SCN10A: variants seen among roughly 807,000 people sequenced by gnomAD.
SCN10A encodes sodium voltage-gated channel alpha subunit 10, also known as sodium channel protein type 10 subunit alpha.
In SCN10A, 162 loss-of-function variants were observed where a neutral mutation model predicts 170.7. The ratio of observed to expected loss-of-function variants is 0.95; its 90% CI spans 0.84 to 1.08. SCN10A has a LOEUF of 1.08. SCN10A is among the 50% of genes least tolerant of loss of function. The pLI, the probability that SCN10A is intolerant of heterozygous loss-of-function variation, is 0.00. For missense variants in SCN10A, 2,527 were observed against 2,436.9 expected, an observed-to-expected ratio of 1.04 and a Z score of -0.78; for synonymous variants, 985 against 904.6, an observed-to-expected ratio of 1.09 and a Z score of -1.59.
intron 4 of SCN10A, among the ~76,000 whole-genome samples, chr3:38,785,527 C>A (rs929271439): frequency 6.6e-6 from 1 of 152,062 alleles, no homozygotes; most frequent in Admixed American, 6.6e-5. Flanking sequence ...ACCATAAAAA[C>A]CCTAGAAGAA....
chr3:38,722,801 T>C (rs1165953349), intron 19 of SCN10A, among the ~76,000 whole-genome samples: 2 of 152,188 alleles, frequency 1.3e-5, no homozygotes, highest in Non-Finnish European at 2.9e-5. Flanking sequence ...GGGATGGGGA[T>C]TGGGTCCAGC....
At chr3:38,707,678 T>G (rs902040992) in intron 25 of SCN10A, among the ~76,000 whole-genome samples, 1 of 152,162 alleles carries the variant, frequency 6.6e-6, no homozygotes, top group African/African-American at 2.4e-5. Flanking sequence ...AAGGAGAAGG[T>G]ACATGTTGGT....
At chr3:38,803,099 G>A (rs1004709044) in intron 1 of SCN10A, among the ~76,000 whole-genome samples, 2 of 152,152 alleles carry the variant, frequency 1.3e-5, no homozygotes, top group African/African-American at 2.4e-5. Context: ...ACCACAATGA[G>A]ATATCATCTC....
intron 25 of SCN10A, among the ~76,000 whole-genome samples, chr3:38,708,497 C>G (rs890369450): frequency 1.3e-5 from 2 of 152,178 alleles, no homozygotes; most frequent in African/African-American, 2.4e-5. Context: ...ATGCTCAGAA[C>G]CCTGGGCAAG....
At chr3:38,732,702 G>A (rs1179829035) in intron 15 of SCN10A, among the ~76,000 whole-genome samples, 1 of 152,180 alleles carries the variant, frequency 6.6e-6, no homozygotes, top group Non-Finnish European at 1.5e-5. Flanking sequence ...AAAATTTTGA[G>A]GCAGAGCACG....
intron 15 of SCN10A, among the ~76,000 whole-genome samples, chr3:38,733,393 C>G (rs1315318916): frequency 6.6e-6 from 1 of 151,914 alleles, no homozygotes; most frequent in Non-Finnish European, 1.5e-5. Context: ...TAGAGATTGT[C>G]TGTATAATAG....
At chr3:38,780,337 A>G (rs1247114574) in intron 4 of SCN10A, among the ~76,000 whole-genome samples, 3 of 151,938 alleles carry the variant, frequency 2.0e-5, no homozygotes, top group Admixed American at 1.3e-4. Context: ...TTTGAATTCT[A>G]TAATTTTAGC....
At chr3:38,756,943 T>C in intron 9 of SCN10A, 72 bp from the exon 10 acceptor site, 1 of 1,607,110 alleles carries the variant, frequency 6.2e-7, no homozygotes, top group South Asian at 1.1e-5. Flanking sequence ...GTCAGCCTCC[T>C]CCAGGAAAAG....
chr3:38,712,026 A>C, intron 23 of SCN10A, 135 bp downstream of exon 23: 1 of 803,374 alleles, frequency 1.2e-6, no homozygotes, highest in Non-Finnish European at 2.0e-6. Context: ...AGTCTGTAGG[A>C]ATAGAGAATG....
chr3:38,812,836 C>T (rs1399075807), intron 1 of SCN10A, among the ~76,000 whole-genome samples: 3 of 152,086 alleles, frequency 2.0e-5, no homozygotes, highest in Admixed American at 2.0e-4. Context: ...GAGTTCGAGA[C>T]CAGCCTGGGC....
rs140083875 is a variant in SCN10A at position 38,800,411 on chromosome 3, C to T, written c.-32-6369G>A. Reference sequence around the variant, plus strand: ...ATTTTTAACAGACTCATAACTGAAGCTTCCAAAGGTGTTGTCCCTTTGAGA... The same window carrying T: ...ATTTTTAACAGACTCATAACTGAAGTTTCCAAAGGTGTTGTCCCTTTGAGA... On this transcript the variant is annotated intron_variant, in intron 1 of 27. Coordinates refer to ENST00000449082, the MANE Select transcript of SCN10A (RefSeq NM_006514.4). Among the ~76,000 whole-genome samples, 547 of 152,324 alleles carry T rather than the reference C, an allele frequency of 3.6e-3. 5 individuals carry two copies. Among genetic ancestry groups the T allele is most frequent in the African/African-American group, 0.013 (531 of 41,572 alleles).
chr3:38,773,974 T>C (rs2064040488), intron 4 of SCN10A, among the ~76,000 whole-genome samples: 1 of 152,192 alleles, frequency 6.6e-6, no homozygotes, highest in Non-Finnish European at 1.5e-5. Context: ...AGTGGTGGCC[T>C]CTGGAAAGAA....
intron 11 of SCN10A, among the ~76,000 whole-genome samples, chr3:38,755,452 T>A (rs1438399951): frequency 6.6e-6 from 1 of 151,886 alleles, no homozygotes; most frequent in Non-Finnish European, 1.5e-5. Flanking sequence ...CAAACCGGGG[T>A]TCTTCCTCCA....
At chr3:38,804,626 G>A (rs777354270) in intron 1 of SCN10A, among the ~76,000 whole-genome samples, 1 of 152,136 alleles carries the variant, frequency 6.6e-6, no homozygotes, top group Non-Finnish European at 1.5e-5. Context: ...ACCTGACACC[G>A]AAATTGAGTT....
chr3:38,699,302 T>C (rs1327088510), intron 27 of SCN10A, among the ~76,000 whole-genome samples: 1 of 151,562 alleles, frequency 6.6e-6, no homozygotes, highest in Non-Finnish European at 1.5e-5. Context: ...ACTCCAACTA[T>C]GAACAAAGTT....
intron 11 of SCN10A, among the ~76,000 whole-genome samples, chr3:38,753,603 T>C (rs2063772151): frequency 6.6e-6 from 1 of 152,208 alleles, no homozygotes; most frequent in Non-Finnish European, 1.5e-5. Flanking sequence ...CTGTAATACA[T>C]GCCCAAGGAC....
chr3:38,782,955 G>A (rs1233976857), intron 4 of SCN10A, among the ~76,000 whole-genome samples: 1 of 152,096 alleles, frequency 6.6e-6, no homozygotes, highest in African/African-American at 2.4e-5. Flanking sequence ...CACAAATCTG[G>A]AGGTTGAAGC....
At chr3:38,807,438 A>T (rs1228698647) in intron 1 of SCN10A, among the ~76,000 whole-genome samples, 1 of 152,138 alleles carries the variant, frequency 6.6e-6, no homozygotes, top group East Asian at 1.9e-4. Flanking sequence ...CTAAGATGCA[A>T]ATGACCTCCA....
At chr3:38,713,470 T>TC (rs1409474221) in intron 22 of SCN10A, among the ~76,000 whole-genome samples, 1 of 151,870 alleles carries the variant, frequency 6.6e-6, no homozygotes, top group African/African-American at 2.4e-5. Flanking sequence ...GGGGGTGAGG[T>TC]CTGGGTCCTG....
Sources: gnomAD v4.1 joint callset for allele counts (sites outside exome capture counted in the v4.1 genomes callset) on GRCh38, gnomAD v4.1.1 for gene constraint, MANE v1.5 for transcripts, NCBI Gene and HGNC (gene_info 2026-07-23, HGNC 2026-07-21) for gene names.